Variants in USH2A observed in about 807,000 individuals in gnomAD.
USH2A encodes the protein usherin.
USH2A carries 443 observed loss-of-function variants against 538.9 expected under a neutral mutation model. That is an observed-to-expected ratio of 0.82 (90% CI 0.76 to 0.89). The LOEUF (loss-of-function observed/expected upper bound fraction) is 0.89. USH2A is among the 40% of genes least tolerant of loss of function. The pLI, the probability that USH2A is intolerant of heterozygous loss-of-function variation, is 0.00. For missense variants in USH2A, 6,633 were observed against 6,324.8 expected, an observed-to-expected ratio of 1.05 and a Z score of -1.65; for synonymous variants, 2,413 against 2,273.5, an observed-to-expected ratio of 1.06 and a Z score of -1.75.
At chr1:216,304,862 TC>T (rs56044500) in intron 9 of USH2A, among the ~76,000 whole-genome samples, 9,751 of 152,072 alleles carry the variant, frequency 0.064, 351 homozygotes, top group Middle Eastern at 0.11. Flanking sequence ...CAATTTTATT[TC>T]ACGGTGGTCT....
At chr1:216,144,199 C>T (rs1164815311) in intron 21 of USH2A, among the ~76,000 whole-genome samples, 1 of 152,112 alleles carries the variant, frequency 6.6e-6, no homozygotes, top group East Asian at 1.9e-4. Flanking sequence ...GCTAATCTTC[C>T]CTGGCTATTC....
At chr1:216,353,020 C>T (rs1348127693) in intron 4 of USH2A, among the ~76,000 whole-genome samples, 1 of 151,812 alleles carries the variant, frequency 6.6e-6, no homozygotes, top group East Asian at 1.9e-4. Flanking sequence ...AAGAGTCGTC[C>T]TCTTTGGGTA....
intron 32 of USH2A, among the ~76,000 whole-genome samples, chr1:216,006,854 C>T (rs1339197404): frequency 4.6e-5 from 7 of 152,148 alleles, no homozygotes; most frequent in African/African-American, 1.4e-4. Flanking sequence ...CCGTCCTTCC[C>T]TGCTACCGAC....
chr1:216,041,217 G>T (rs752046264), intron 32 of USH2A, among the ~76,000 whole-genome samples: 2 of 151,942 alleles, frequency 1.3e-5, no homozygotes, highest in Non-Finnish European at 2.9e-5. Flanking sequence ...CCTTCGGGAG[G>T]TTCTCTAACT....
At chr1:216,138,764 A>T (rs953276024) in intron 21 of USH2A, among the ~76,000 whole-genome samples, 1 of 152,188 alleles carries the variant, frequency 6.6e-6, no homozygotes, top group African/African-American at 2.4e-5. Context: ...CTGGGCATGC[A>T]GTTATCTCCC....
intron 49 of USH2A, among the ~76,000 whole-genome samples, chr1:215,813,397 T>C (rs1027241211): frequency 1.3e-5 from 2 of 152,106 alleles, no homozygotes; most frequent in African/African-American, 4.8e-5. Context: ...CTTCATGGGG[T>C]GGAACAGTCA....
At chr1:216,225,277 T>TAA (rs1329362214) in intron 14 of USH2A, among the ~76,000 whole-genome samples, 1 of 152,122 alleles carries the variant, frequency 6.6e-6, no homozygotes, top group Non-Finnish European at 1.5e-5. Flanking sequence ...GGAAAAACAT[T>TAA]AAAAAGAACC....
intron 4 of USH2A, among the ~76,000 whole-genome samples, chr1:216,339,121 G>A (rs1252356846): frequency 2.0e-5 from 3 of 151,232 alleles, no homozygotes; most frequent in Non-Finnish European, 4.4e-5. Flanking sequence ...CTCTCCACAT[G>A]GAAACAAATA....
chr1:215,985,036 G>A (rs1484017213), intron 35 of USH2A, among the ~76,000 whole-genome samples: 1 of 152,182 alleles, frequency 6.6e-6, no homozygotes, highest in African/African-American at 2.4e-5. Flanking sequence ...CAAACTGACT[G>A]GAGGTGTTTC....
chr1:215,639,991 C>A (rs565288865), intron 68 of USH2A, among the ~76,000 whole-genome samples: 1 of 152,188 alleles, frequency 6.6e-6, no homozygotes, highest in Non-Finnish European at 1.5e-5. Context: ...CCTTGTAAAG[C>A]ATTTTCTCAT....
chr1:216,007,336 T>C (rs1160633761), intron 32 of USH2A, among the ~76,000 whole-genome samples: 3 of 151,868 alleles, frequency 2.0e-5, no homozygotes, highest in Non-Finnish European at 2.9e-5. Flanking sequence ...AGAATGTGAC[T>C]GGTCAGGAGG....
intron 38 of USH2A, among the ~76,000 whole-genome samples, chr1:215,913,340 G>C (rs1411937168): frequency 6.6e-6 from 1 of 152,110 alleles, no homozygotes; most frequent in African/African-American, 2.4e-5. Flanking sequence ...GAGGTGCTAA[G>C]AGGTATCATT....
intron 51 of USH2A, among the ~76,000 whole-genome samples, chr1:215,789,304 C>T (rs148542177): frequency 6.6e-6 from 1 of 152,308 alleles, no homozygotes; most frequent in East Asian, 1.9e-4. Flanking sequence ...ATGTGGTCTA[C>T]ACAAGGACTG....
chr1:216,239,153 A>T (rs1368433802), intron 13 of USH2A, among the ~76,000 whole-genome samples: 1 of 152,110 alleles, frequency 6.6e-6, no homozygotes, highest in Non-Finnish European at 1.5e-5. Context: ...CAAAAAAAAT[A>T]AAAAATAAAA....
chr1:215,719,882 A>G (rs961938353), intron 61 of USH2A, among the ~76,000 whole-genome samples: 3 of 152,196 alleles, frequency 2.0e-5, no homozygotes, highest in African/African-American at 7.2e-5. Context: ...TGGTTTGGAA[A>G]TAGAATCAAT....
At chr1:216,134,541 G>A (rs1390896289) in intron 21 of USH2A, among the ~76,000 whole-genome samples, 4 of 152,060 alleles carry the variant, frequency 2.6e-5, no homozygotes, top group Non-Finnish European at 5.9e-5. Context: ...AGATAATATA[G>A]GGTTTGCATT....
At chr1:215,782,713 T>C in intron 53 of USH2A, 25 bp downstream of exon 53, 2 of 1,608,868 alleles carry the variant, frequency 1.2e-6, no homozygotes, top group Middle Eastern at 2.0e-4. Flanking sequence ...ATTTTGTTAT[T>C]TGTATTTTAA....
At chr1:216,075,061 AC>A (rs1002958737) in intron 27 of USH2A, among the ~76,000 whole-genome samples, 17 of 152,314 alleles carry the variant, frequency 1.1e-4, no homozygotes, top group African/African-American at 3.1e-4. Flanking sequence ...TTAGCAAAAA[AC>A]ATCATAAAAA....
chr1:215,766,676 A>C lies in USH2A; in HGVS notation c.11047+5T>G, dbSNP rs1389276218. 4.3e-6 allele frequency: 7 copies of C among 1,612,410 alleles called. No individual in the cohort carries two copies. The Admixed American group carries it at 1.0e-4, about 23-fold the overall frequency. The stretch of plus-strand genomic sequence containing the variant: ...TCCCTCAAACCATGGATATTGTTTC[A>C]TTACCTTCAGGAGCTGCCTGCAGTG... On this transcript the variant is annotated splice_donor_5th_base_variant and intron_variant, in intron 56 of 71. Coordinates refer to ENST00000307340, the MANE Select transcript of USH2A (RefSeq NM_206933.4).
Sources: gnomAD v4.1 joint callset for allele counts (sites outside exome capture counted in the v4.1 genomes callset) on GRCh38, gnomAD v4.1.1 for gene constraint, MANE v1.5 for transcripts, NCBI Gene and HGNC (gene_info 2026-07-23, HGNC 2026-07-21) for gene names.